The following PRDM6 variants were observed in gnomAD, a reference collection of about 807,000 sequenced individuals.
PRDM6 encodes PR/SET domain 6.
Under a neutral mutation model 60.8 loss-of-function variants are expected in PRDM6, and 25 were observed. The observed-to-expected ratio is 0.41, with a 90% CI of 0.30 to 0.57. The LOEUF (loss-of-function observed/expected upper bound fraction) is 0.57, where lower values mean the gene tolerates loss of function less well. Ranked by LOEUF, PRDM6 falls within the 20% of genes least tolerant of loss-of-function variation. The pLI, the probability that PRDM6 is intolerant of heterozygous loss-of-function variation, is 0.27. For synonymous variants in PRDM6, 407 were observed against 357.4 expected (o/e 1.14, Z -1.57); for missense variants, 839 against 821.3 (o/e 1.02, Z -0.26).
At chr5:123,186,846 AG>A (rs1347112005) in intron 7 of PRDM6, among the ~76,000 whole-genome samples, 1 of 152,242 alleles carries the variant, frequency 6.6e-6, no homozygotes, top group Non-Finnish European at 1.5e-5. Flanking sequence ...GCAGCAGGAC[AG>A]GGCTCTCTGG....
intron 3 of PRDM6, among the ~76,000 whole-genome samples, chr5:123,127,187 A>G (rs1764712616): frequency 6.6e-6 from 1 of 152,052 alleles, no homozygotes; most frequent in Non-Finnish European, 1.5e-5. Context: ...ACAGGCACAC[A>G]CCACCATGCC....
intron 3 of PRDM6, among the ~76,000 whole-genome samples, chr5:123,101,552 G>A (rs931381068): frequency 6.6e-6 from 1 of 152,128 alleles, no homozygotes; most frequent in Non-Finnish European, 1.5e-5. Context: ...TATAGTTAAA[G>A]GTCTGCCAAT....
At chr5:123,160,212 T>G in intron 5 of PRDM6, among the ~76,000 whole-genome samples, 1 of 152,230 alleles carries the variant, frequency 6.6e-6, no homozygotes, top group Non-Finnish European at 1.5e-5. Context: ...TCTGGAAACA[T>G]GTAATTTTCT....
intron 3 of PRDM6, among the ~76,000 whole-genome samples, chr5:123,111,169 A>C (rs1436418836): frequency 2.0e-5 from 3 of 152,344 alleles, no homozygotes; most frequent in Admixed American, 1.3e-4. Flanking sequence ...TACATTTAAA[A>C]ATAGTTACAA....
intron 3 of PRDM6, among the ~76,000 whole-genome samples, chr5:123,152,537 C>G (rs1178399940): frequency 6.6e-6 from 1 of 152,174 alleles, no homozygotes; most frequent in Non-Finnish European, 1.5e-5. Context: ...TTGCTCAGAG[C>G]CACCAATACA....
Position 123,171,016 on chromosome 5 carries a change from T to C in PRDM6, c.1404T>C (p.Ser468=), listed in dbSNP as rs1765879773. 6.4e-7 allele frequency: 1 copy of C among 1,551,934 alleles called. No individual in the cohort carries two copies. The highest frequency in any genetic ancestry group is 8.7e-7 in the Non-Finnish European group (1 of 1,147,056). ...CAAGCCAGCTCCACTCGGAGTTCAG[T>C]GACTGGCATCTTTGGAAATGTGGGC... ...TSTSQLHSEF[S]DWHLWKCGQC... Residue 468 remains serine, a synonymous_variant, in exon 6 of 8, where the codon AGT becomes AGC. Coordinates refer to ENST00000407847, the MANE Select transcript of PRDM6 (RefSeq NM_001136239.4).
At chr5:123,185,050 G>T in intron 7 of PRDM6, among the ~76,000 whole-genome samples, 1 of 152,238 alleles carries the variant, frequency 6.6e-6, no homozygotes, top group East Asian at 1.9e-4. Context: ...TGTTCCATTT[G>T]TGTAAATATC....
Position 123,121,158 on chromosome 5 carries a change from C to T in PRDM6, c.900+21197C>T, listed in dbSNP as rs187895768. Among the ~76,000 whole-genome samples, 164 of 152,238 alleles carry T rather than the reference C, an allele frequency of 1.1e-3. 1 individual carries two copies. The highest frequency in any genetic ancestry group is 3.7e-3 in the African/African-American group (152 of 41,544). On this transcript the variant is annotated intron_variant, in intron 3 of 7. Coordinates refer to ENST00000407847, the MANE Select transcript of PRDM6 (RefSeq NM_001136239.4). ...TAGGTCCAGTTTTGCACACTTAAAACGGAGTATCTTTAAACCACTTGGCTC... is the reference window on the plus strand; with the variant it reads ...TAGGTCCAGTTTTGCACACTTAAAATGGAGTATCTTTAAACCACTTGGCTC...
chr5:123,154,366 A>G (rs1228606091), intron 3 of PRDM6, among the ~76,000 whole-genome samples: 2 of 152,192 alleles, frequency 1.3e-5, no homozygotes, highest in Non-Finnish European at 2.9e-5. Context: ...CTCAAGCTAA[A>G]TTGATTATCA....
chr5:123,174,844 G>A (rs867189335), intron 6 of PRDM6, among the ~76,000 whole-genome samples: 7 of 151,978 alleles, frequency 4.6e-5, no homozygotes, highest in African/African-American at 1.4e-4. Context: ...CACCCATGAG[G>A]GTCCAGGAAC....
At chr5:123,174,441 G>A (rs1337050832) in intron 6 of PRDM6, among the ~76,000 whole-genome samples, 1 of 152,200 alleles carries the variant, frequency 6.6e-6, no homozygotes, top group East Asian at 1.9e-4. Context: ...CCAGGTACAA[G>A]AAAGGCAAGA....
In PRDM6 at chr5:123,193,114, C is replaced by G. The variant is rs1463314436; in HGVS notation, c.*5913C>G. ...AAACCACAATGTATACTACTTTCCTCCAGATTCTGATTCTAATGGGCACAT... is the reference window on the plus strand; with the variant it reads ...AAACCACAATGTATACTACTTTCCTGCAGATTCTGATTCTAATGGGCACAT... On this transcript the variant is annotated 3_prime_UTR_variant, in exon 8 of 8. Coordinates refer to ENST00000407847, the MANE Select transcript of PRDM6 (RefSeq NM_001136239.4). 6.6e-6 allele frequency: 1 copy of G among 152,176 alleles called. No individual in the cohort carries two copies. Among genetic ancestry groups the G allele is most frequent in the East Asian group, 1.9e-4 (1 of 5,198 alleles). 9.4% of individuals were successfully genotyped at this position (152,176 alleles called of 1,614,324 possible). A position where few individuals can be genotyped will look rare whatever the true frequency, so the allele number is the denominator to read the frequency against.
intron 3 of PRDM6, among the ~76,000 whole-genome samples, chr5:123,140,207 G>C (rs1765065285): frequency 6.6e-6 from 1 of 151,582 alleles, no homozygotes; most frequent in South Asian, 2.1e-4. Flanking sequence ...TCTGCGCTTG[G>C]CCAAATCAGC....
At chr5:123,170,626 A>G (rs1322096499) in intron 5 of PRDM6, 140 bp from the exon 6 acceptor site, 5 of 664,402 alleles carry the variant, frequency 7.5e-6, no homozygotes, top group Admixed American at 3.0e-5. Flanking sequence ...CTCAAATCAG[A>G]TGGTTTGTTA....
intron 6 of PRDM6, among the ~76,000 whole-genome samples, chr5:123,176,971 C>T (rs557392141): frequency 7.2e-5 from 11 of 152,242 alleles, no homozygotes; most frequent in East Asian, 3.9e-4. Flanking sequence ...ATTAATTGTG[C>T]GCTCCAAAGG....
At chr5:123,173,891 C>T (rs566643607) in intron 6 of PRDM6, among the ~76,000 whole-genome samples, 1 of 152,316 alleles carries the variant, frequency 6.6e-6, no homozygotes, top group African/African-American at 2.4e-5. Flanking sequence ...AAGAGATACT[C>T]TCCGTAATTT....
intron 3 of PRDM6, among the ~76,000 whole-genome samples, chr5:123,148,782 T>C (rs1447665450): frequency 6.6e-6 from 1 of 152,214 alleles, no homozygotes; most frequent in African/African-American, 2.4e-5. Context: ...TTATGAATGT[T>C]TTTATGACCC....
chr5:123,147,312 C>T (rs888864113), intron 3 of PRDM6, among the ~76,000 whole-genome samples: 20 of 127,430 alleles, frequency 1.6e-4, no homozygotes, highest in East Asian at 4.0e-4. Flanking sequence ...AGAGAGAAAA[C>T]GAACAAGAAA....
At chr5:123,125,248 T>C (rs1310217817) in intron 3 of PRDM6, among the ~76,000 whole-genome samples, 1 of 151,800 alleles carries the variant, frequency 6.6e-6, no homozygotes, top group African/African-American at 2.4e-5. Context: ...TCCCTTTGTG[T>C]TCCTAACTCA....
Sources: allele counts gnomAD v4.1 joint callset (sites outside exome capture counted in the v4.1 genomes callset), GRCh38; gene constraint gnomAD v4.1.1; transcripts MANE v1.5; gene names NCBI Gene and HGNC (gene_info 2026-07-23, HGNC 2026-07-21).